Variants in TAP2 observed in about 807,000 individuals in gnomAD.
The protein encoded by TAP2 is antigen peptide transporter 2.
In TAP2, 49 loss-of-function variants were observed where a neutral mutation model predicts 74.7. That is an observed-to-expected ratio of 0.66 (90% CI 0.52 to 0.83). The LOEUF (loss-of-function observed/expected upper bound fraction) is 0.83. TAP2 is among the 40% of genes least tolerant of loss of function. The probability of loss-of-function intolerance (pLI) is 0.00; values close to 1 mark genes in which losing one functional copy is unlikely to be tolerated. For synonymous variants in TAP2, 306 were observed against 368.4 expected, an observed-to-expected ratio of 0.83 and a Z score of 1.94; for missense variants, 739 against 859.0, an observed-to-expected ratio of 0.86 and a Z score of 1.75.
chr6:32,829,166 A>G, intron 11 of TAP2, 132 bp from the exon 12 acceptor site: 1 of 1,487,544 alleles, frequency 6.7e-7, no homozygotes, highest in Non-Finnish European at 9.0e-7. Context: ...CAGTAGATAA[A>G]GGCCTGGACT....
intron 7 of TAP2, among the ~76,000 whole-genome samples, chr6:32,831,349 G>C (rs139733102): frequency 2.8e-4 from 43 of 152,314 alleles, no homozygotes; most frequent in Non-Finnish European, 5.0e-4. Flanking sequence ...ATGAGGGGAA[G>C]TCTCCCTTCA....
chr6:32,828,320 C>G lies in TAP2; in HGVS notation c.*586G>C, dbSNP rs1408037117. The stretch of plus-strand genomic sequence containing the variant: ...AATCAGGGAACTGTTCTCTGTCCCT[C>G]CAGACCCTAGCTTCTTCAAAATAGC... On this transcript the variant is annotated 3_prime_UTR_variant, in exon 12 of 12. Transcript: ENST00000374897. 2 of 985,368 alleles carry G rather than the reference C, an allele frequency of 2.0e-6. No homozygotes were observed. The highest frequency in any genetic ancestry group is 2.4e-6 in the Non-Finnish European group (2 of 830,022). The allele number at this position is 985,368 out of a possible 1,614,324, so 61.0% of individuals were successfully genotyped here. A position where few individuals can be genotyped will look rare whatever the true frequency, so the allele number is the denominator to read the frequency against.
At chr6:32,823,714 A>G (rs1000397988), downstream of TAP2, among the ~76,000 whole-genome samples, 6 of 152,152 alleles carry the variant, frequency 3.9e-5, no homozygotes, top group Non-Finnish European at 8.8e-5. Context: ...CAGCAAATAG[A>G]TTCAGTCTAA....
At position 32,826,986 on chromosome 6, in the gene TAP2, C is replaced by G. The variant is rs956956827; in HGVS notation, c.*1920G>C. 9 of 985,314 alleles carry G rather than the reference C, an allele frequency of 9.1e-6. No homozygotes were observed. Among genetic ancestry groups the G allele is most frequent in the Non-Finnish European group, 9.6e-6 (8 of 829,938 alleles). The allele number at this position is 985,314 out of a possible 1,614,324, so 61.0% of individuals were successfully genotyped here. A position where few individuals can be genotyped will look rare whatever the true frequency, so the allele number is the denominator to read the frequency against. On this transcript the variant is annotated 3_prime_UTR_variant, in exon 12 of 12. Transcript: ENST00000374897. ...TCTCTCCAAATGCCTATTTTACCCT[C>G]TGTGAAATTTGAGAGATGGATGGGT... is the stretch of plus-strand genomic sequence containing the variant.
At position 32,829,297 on chromosome 6, in the gene TAP2, C is replaced by T. The variant is rs1768880392; in HGVS notation, c.1932+103G>A. ...CCCAAGAAGGCACAGACTGTTTCCACTAGTAGGTCCTTCGTCCTCCCTCTG... is the reference window on the plus strand; with the variant it reads ...CCCAAGAAGGCACAGACTGTTTCCATTAGTAGGTCCTTCGTCCTCCCTCTG... On this transcript the variant is annotated intron_variant, in intron 11 of 11. Coordinates refer to ENST00000374897, the MANE Select transcript of TAP2 (RefSeq NM_001290043.2). The T allele has an allele frequency of 2.6e-6, 4 of 1,519,868 alleles. No homozygotes were observed. In the East Asian group the frequency reaches 7.4e-5, roughly 28 times the overall value. The allele number at this position is 1,519,868 out of a possible 1,614,324, so 94.1% of individuals were successfully genotyped here.
At chr6:32,830,901 GCTC>G in intron 7 of TAP2, 95 bp from the exon 8 acceptor site, 1 of 1,062,660 alleles carries the variant, frequency 9.4e-7, no homozygotes, top group Non-Finnish European at 1.4e-6. Flanking sequence ...CAACTGCACT[GCTC>G]CTCCTCCATA....
chr6:32,828,695 C>CCCCCCAAAAAA lies in TAP2; in HGVS notation c.*210_*211insTTTTTTGGGGG. On this transcript the variant is annotated 3_prime_UTR_variant, in exon 12 of 12. Coordinates refer to ENST00000374897, the MANE Select transcript of TAP2 (RefSeq NM_001290043.2). ...AGACAGCCCCCACCCCACCCCACCC[C>CCCCCCAAAAAA]ACCTCTCTACCCCACCAAAAGCACA... is the stretch of plus-strand genomic sequence containing the variant. The CCCCCCAAAAAA allele has an allele frequency of 9.8e-7, 1 of 1,022,270 alleles. No individual in the cohort carries two copies. The highest frequency in any genetic ancestry group is 1.2e-6 in the Non-Finnish European group (1 of 847,966). 63.3% of individuals were successfully genotyped at this position (1,022,270 alleles called of 1,614,324 possible).
chr6:32,835,844 C>CA lies in TAP2; in HGVS notation c.609-72dup, dbSNP rs942506026. On this transcript the variant is annotated intron_variant, in intron 3 of 11. Transcript: ENST00000374897. The surrounding 1 kb of genome is among the most constrained non-coding windows in gnomAD (Gnocchi z 4.0). ...CAAGCCAGCGGGTGAAACAGAGGAG[C>CA]AAGCCAGGAGTGCAGAGAAGCGCAA... 2.5e-6 allele frequency: 4 copies of CA among 1,608,164 alleles called. No homozygotes were observed. The African/African-American group carries it at 5.4e-5, about 22-fold the overall frequency.
At position 32,835,813 on chromosome 6, in the gene TAP2, AAGGAGCAAGCCAGCGGGTGAAACAG is replaced by A; in HGVS notation, c.609-65_609-41del. On this transcript the variant is annotated intron_variant, in intron 3 of 11. Transcript: ENST00000374897. The surrounding 1 kb of genome is among the most constrained non-coding windows in gnomAD (Gnocchi z 4.0). ...AATAAGAGGGGAGGGAGATGCAGAGAAGGAGCAAGCCAGCGGGTGAAACAGAGGAGCAAGCCAGGAGTGCAGAGAA... is the reference window on the plus strand; with the variant it reads ...AATAAGAGGGGAGGGAGATGCAGAGAAGGAGCAAGCCAGGAGTGCAGAGAA... 1 of 1,612,962 alleles carries A rather than the reference AAGGAGCAAGCCAGCGGGTGAAACAG, an allele frequency of 6.2e-7. No individual in the cohort carries two copies. Among genetic ancestry groups the A allele is most frequent in the Non-Finnish European group, 8.5e-7 (1 of 1,179,838 alleles).
At chr6:32,833,364 C>A (rs1247282724) in intron 5 of TAP2, among the ~76,000 whole-genome samples, 1 of 151,996 alleles carries the variant, frequency 6.6e-6, no homozygotes, top group Middle Eastern at 3.2e-3. Context: ...GAAAAAGCAA[C>A]CATGAAATAC....
Position 32,835,282 on chromosome 6 carries a change from G to T in TAP2, c.817C>A (p.Arg273=). ...WLPLNANVLL[R]SLVKVVGLYG... Reference sequence around the variant, plus strand: ...AGCCCCACCACTTTCACCAGGCTTCGCAAGAGCACATTGGCATTTAAAGGA... The same window carrying T: ...AGCCCCACCACTTTCACCAGGCTTCTCAAGAGCACATTGGCATTTAAAGGA... The change falls in exon 5 of 12, where the codon CGA becomes AGA. Residue 273 remains arginine (R), a synonymous_variant. Coordinates refer to ENST00000374897, the MANE Select transcript of TAP2 (RefSeq NM_001290043.2). The surrounding 1 kb of genome is among the most constrained non-coding windows in gnomAD (Gnocchi z 4.0). 2 of 1,613,082 alleles carry T rather than the reference G, an allele frequency of 1.2e-6. No individual in the cohort carries two copies.
At position 32,832,583 on chromosome 6, in the gene TAP2, T is replaced by C. The variant is rs1287104492; in HGVS notation, c.1143+44A>G. ...GCTGTAGTTTCCTCTTCCCTTGCCC[T>C]CCCCCTTTCCTGGGCTCCTTTCACA... On this transcript the variant is annotated intron_variant, in intron 6 of 11. Transcript: ENST00000374897. This position sits in a 1 kb window ranked among gnomAD's most constrained non-coding sequence, Gnocchi z 5.9. 1.9e-6 allele frequency: 3 copies of C among 1,612,482 alleles called. No homozygotes were observed. The African/African-American group carries it at 4.0e-5, about 22-fold the overall frequency.
rs772811526 is a variant in TAP2 at position 32,826,866 on chromosome 6, C to A, written c.*2040G>T. The A allele has an allele frequency of 2.0e-4, 200 of 985,328 alleles. No homozygotes were observed. Among genetic ancestry groups the A allele is most frequent in the Non-Finnish European group, 2.4e-4 (197 of 829,948 alleles). 61.0% of individuals were successfully genotyped at this position (985,328 alleles called of 1,614,324 possible). Reference sequence around the variant, plus strand: ...AGATCATCTTCTTCTGTGAGGGCTGCAGCTTCCATGTAGTTGGGAGATACA... The same window carrying A: ...AGATCATCTTCTTCTGTGAGGGCTGAAGCTTCCATGTAGTTGGGAGATACA... On this transcript the variant is annotated 3_prime_UTR_variant, in exon 12 of 12. Transcript: ENST00000374897.
rs1284024920 is a variant in TAP2, at chr6:32,832,399, C to T, written c.1206G>A (p.Gly402=). The stretch of plus-strand genomic sequence containing the variant: ...AAAGCAGGCTGCCCTGGGTGAGCTC[C>T]CCATCCTGCATCTGCTGCAGCCCAC... ...LSCGLQQMQD[G]ELTQGSLLSF... Residue 402 remains glycine, a synonymous_variant, in exon 7 of 12, where the codon GGG becomes GGA. Coordinates refer to ENST00000374897, the MANE Select transcript of TAP2 (RefSeq NM_001290043.2). The surrounding 1 kb of genome is among the most constrained non-coding windows in gnomAD (Gnocchi z 5.9). The T allele has an allele frequency of 1.9e-6, 3 of 1,612,890 alleles. No homozygotes were observed. The highest frequency in any genetic ancestry group is 2.5e-6 in the Non-Finnish European group (3 of 1,180,024).
At chr6:32,833,446 TA>T (rs546458499) in intron 5 of TAP2, among the ~76,000 whole-genome samples, 22 of 151,120 alleles carry the variant, frequency 1.5e-4, no homozygotes, top group Non-Finnish European at 2.4e-4. Flanking sequence ...TCCCACAACT[TA>T]AAAAAAAATC....
rs2071465 is a variant in TAP2 at position 32,837,693 on chromosome 6, C to G, written c.494-42G>C. ...AAATAACACAAGAATGTGCTGGTGC[C>G]CAGGCCCTTTTACCACCTCCAACTC... is the stretch of plus-strand genomic sequence containing the variant. On this transcript the variant is annotated intron_variant, in intron 2 of 11. Coordinates refer to ENST00000374897, the MANE Select transcript of TAP2 (RefSeq NM_001290043.2). 0.42 allele frequency: 670,370 copies of G among 1,613,610 alleles called. 141,073 individuals carry two copies. The highest frequency in any genetic ancestry group is 0.52 in the Middle Eastern group (3,155 of 6,062).
rs1056866279 is a variant in TAP2, at chr6:32,835,958, G to A, written c.609-185C>T. On this transcript the variant is annotated intron_variant, in intron 3 of 11. Coordinates refer to ENST00000374897, the MANE Select transcript of TAP2 (RefSeq NM_001290043.2). The surrounding 1 kb of genome is among the most constrained non-coding windows in gnomAD (Gnocchi z 4.0). The stretch of plus-strand genomic sequence containing the variant: ...GAGAAGAGGTAAGGAATACACAGAG[G>A]AAGAAGAAAGAGGAGACATGGTGAG... Among the ~76,000 whole-genome samples the A allele has an allele frequency of 1.5e-4, 23 of 151,962 alleles. No individual in the cohort carries two copies. Among genetic ancestry groups the A allele is most frequent in the Admixed American group, 7.9e-4 (12 of 15,250 alleles).
At chr6:32,823,022 C>A (rs112707155), downstream of TAP2, among the ~76,000 whole-genome samples, 2 of 150,056 alleles carry the variant, frequency 1.3e-5, no homozygotes, top group African/African-American at 4.9e-5. Flanking sequence ...CAGATTCAAG[C>A]AATTCTCCTG....
chr6:32,832,651 G>A lies in TAP2; in HGVS notation c.1119C>T (p.Arg373=), dbSNP rs373723421. 1.1e-4 allele frequency: 176 copies of A among 1,612,992 alleles called. No homozygotes were observed. Among genetic ancestry groups the A allele is most frequent in the Middle Eastern group, 8.2e-4 (5 of 6,062 alleles). Residue 373 remains arginine, a synonymous_variant, in exon 6 of 12, where the codon CGC becomes CGT. Coordinates refer to ENST00000374897, the MANE Select transcript of TAP2 (RefSeq NM_001290043.2). The surrounding 1 kb of genome is among the most constrained non-coding windows in gnomAD (Gnocchi z 5.9). ...CCCTCCTTACGAGCAGGTACAAGGCGCGTTCCAGGTCTCTCCGCCAATACA... is the reference window on the plus strand; with the variant it reads ...CCCTCCTTACGAGCAGGTACAAGGCACGTTCCAGGTCTCTCCGCCAATACA... ...RQLYWRRDLE[R]ALYLLVRRVL... is the part of the protein sequence containing the mutation.
Sources: gnomAD v4.1 joint callset for allele counts (sites outside exome capture counted in the v4.1 genomes callset) on GRCh38, gnomAD v4.1.1 for gene constraint, Gnocchi (gnomAD v3.1) non-coding constraint, MANE v1.5 for transcripts, NCBI Gene and HGNC (gene_info 2026-07-23, HGNC 2026-07-21) for gene names.